The following ARID5A variants were observed in gnomAD, a reference collection of about 807,000 sequenced individuals.
The protein encoded by ARID5A is AT-rich interactive domain-containing protein 5A.
In ARID5A, 14 loss-of-function variants were observed where a neutral mutation model predicts 30.5. That is an observed-to-expected ratio of 0.46 (90% CI 0.30 to 0.72). The LOEUF (loss-of-function observed/expected upper bound fraction) is 0.72. ARID5A is among the 30% of genes least tolerant of loss of function. The pLI is 0.07. For synonymous variants in ARID5A, 338 were observed against 340.4 expected, an observed-to-expected ratio of 0.99 and a Z score of 0.08; for missense variants, 669 against 786.2, an observed-to-expected ratio of 0.85 and a Z score of 1.78.
chr2:96,538,994 C>T (rs562143496), intron 1 of ARID5A, among the ~76,000 whole-genome samples: 9 of 152,310 alleles, frequency 5.9e-5, no homozygotes, highest in African/African-American at 2.2e-4. Flanking sequence ...CAACAGGGGT[C>T]TGTAAGTCCA....
chr2:96,541,319 T>G (rs1001635348), intron 1 of ARID5A, among the ~76,000 whole-genome samples: 15 of 152,224 alleles, frequency 9.9e-5, no homozygotes, highest in African/African-American at 4.8e-5. Flanking sequence ...TTTTGTTTTT[T>G]TTTAAAGGGA....
chr2:96,540,061 A>C (rs531295515), intron 1 of ARID5A, among the ~76,000 whole-genome samples: 1 of 152,324 alleles, frequency 6.6e-6, no homozygotes, highest in African/African-American at 2.4e-5. Context: ...TCTGAGCCTC[A>C]GACATTATAT....
Position 96,539,956 on chromosome 2 carries a change from G to A in ARID5A, c.4+3126G>A, listed in dbSNP as rs1229906620. ...GAAAGAAAAAAATCTCTAGCTCTCA[G>A]GGATCAGCGTCTCTCAGGAGTCAGA... On this transcript the variant is annotated intron_variant, in intron 1 of 6. Coordinates refer to ENST00000357485, the MANE Select transcript of ARID5A (RefSeq NM_212481.3). The surrounding 1 kb of genome is among the most constrained non-coding windows in gnomAD (Gnocchi z 4.7). Among the ~76,000 whole-genome samples, 1 of 152,244 alleles carries A rather than the reference G, an allele frequency of 6.6e-6. No individual in the cohort carries two copies. Among genetic ancestry groups the A allele is most frequent in the Non-Finnish European group, 1.5e-5 (1 of 68,046 alleles).
At chr2:96,543,014 A>T (rs1376926746) in intron 1 of ARID5A, among the ~76,000 whole-genome samples, 1 of 152,244 alleles carries the variant, frequency 6.6e-6, no homozygotes, top group Non-Finnish European at 1.5e-5. Context: ...GAAAGGCATC[A>T]GTCTGCTGGG....
rs769308314 is a variant in ARID5A, at chr2:96,537,267, C to T, written c.4+437C>T. 32 of 159,054 alleles carry T rather than the reference C, an allele frequency of 2.0e-4. No homozygotes were observed. The highest frequency in any genetic ancestry group is 4.5e-4 in the Admixed American group (7 of 15,430). The allele number at this position is 159,054 out of a possible 1,614,324, so 9.9% of individuals were successfully genotyped here. On this transcript the variant is annotated intron_variant, in intron 1 of 6. Coordinates refer to ENST00000357485, the MANE Select transcript of ARID5A (RefSeq NM_212481.3). The surrounding 1 kb of genome is among the most constrained non-coding windows in gnomAD (Gnocchi z 4.8). Reference sequence around the variant, plus strand: ...AGCCGCCCCTCCGCCCCGTGACATCCCGCAGGTTTCAGAACCGCGGCGCCG... The same window carrying T: ...AGCCGCCCCTCCGCCCCGTGACATCTCGCAGGTTTCAGAACCGCGGCGCCG...
Position 96,549,757 on chromosome 2 carries a change from C to T in ARID5A, c.264C>T (p.Asn88=). ...RVPHLGFKQI[N]LWKIYKAVEK... Reference sequence around the variant, plus strand: ...GCCTGCTCTTCTCTCCCCCAGTTAACCTGTGGAAGATCTACAAAGCAGTGG... The same window carrying T: ...GCCTGCTCTTCTCTCCCCCAGTTAATCTGTGGAAGATCTACAAAGCAGTGG... Residue 88 remains asparagine, a synonymous_variant, in exon 4 of 7, where the codon AAC becomes AAT. Coordinates refer to ENST00000357485, the MANE Select transcript of ARID5A (RefSeq NM_212481.3). The surrounding 1 kb of genome is among the most constrained non-coding windows in gnomAD (Gnocchi z 6.1). 1 of 1,613,896 alleles carries T rather than the reference C, an allele frequency of 6.2e-7. No individual in the cohort carries two copies. Among genetic ancestry groups the T allele is most frequent in the South Asian group, 1.1e-5 (1 of 91,056 alleles).
intron 1 of ARID5A, among the ~76,000 whole-genome samples, chr2:96,538,540 C>T (rs747928366): frequency 2.7e-4 from 41 of 152,216 alleles, no homozygotes; most frequent in Middle Eastern, 3.2e-3. Flanking sequence ...AGGCCCATCG[C>T]GTTTCTTCTC....
chr2:96,542,191 C>T (rs929833778), intron 1 of ARID5A, among the ~76,000 whole-genome samples: 9 of 152,142 alleles, frequency 5.9e-5, no homozygotes, highest in Admixed American at 3.3e-4. Context: ...AGACAGAGGG[C>T]ACCCTGGAGA....
rs374556725 is a variant in ARID5A at position 96,549,502 on chromosome 2, G to T, written c.259+43G>T. ...AGGCAGGGAGGGGGGCCCAGCAGGG[G>T]ACCCCGCCCAGGCAGGGCATCGGGC... On this transcript the variant is annotated intron_variant, in intron 3 of 6. Transcript: ENST00000357485. The surrounding 1 kb of genome is among the most constrained non-coding windows in gnomAD (Gnocchi z 6.1). 1.6e-5 allele frequency: 25 copies of T among 1,598,560 alleles called. No homozygotes were observed. In the African/African-American group the frequency reaches 3.2e-4, roughly 21 times the overall value.
chr2:96,550,590 G>C lies in ARID5A; in HGVS notation c.427G>C (p.Val143Leu). ...CCTCACCAGGCTGGTCCTGCCATAC[G>C]TGCGGCACCTGAAGGGGGAGGATGA... Reference protein sequence around the residue: ...RHYERLVLPYVRHLKGEDDKP... With the variant: ...RHYERLVLPYLRHLKGEDDKP... The change falls in exon 6 of 7, where the codon GTG (valine) becomes CTG (leucine). Residue 143 changes from valine to leucine, a missense_variant. By Grantham distance (32) the Val-to-Leu change is conservative. Coordinates refer to ENST00000357485, the MANE Select transcript of ARID5A (RefSeq NM_212481.3). This position sits in a 1 kb window ranked among gnomAD's most constrained non-coding sequence, Gnocchi z 6.6. 5 of 1,604,580 alleles carry C rather than the reference G, an allele frequency of 3.1e-6. No individual in the cohort carries two copies. The highest frequency in any genetic ancestry group is 4.2e-6 in the Non-Finnish European group (5 of 1,176,510).
rs777474043 is a variant in ARID5A, at chr2:96,550,700, G to A, written c.537G>A (p.Pro179=). The change falls in exon 6 of 7, where the codon CCG becomes CCA. Residue 179 remains proline (P), a synonymous_variant. Transcript: ENST00000357485. This position sits in a 1 kb window ranked among gnomAD's most constrained non-coding sequence, Gnocchi z 6.6. ...GGGATGATGGGGCCACCGAGAGGCC[G>A]AAGAAGGCCAAGGAGGAGCGGCGCA... ...NRGDDGATER[P]KKAKEERRMD... 48 of 1,593,782 alleles carry A rather than the reference G, an allele frequency of 3.0e-5. No individual in the cohort carries two copies. In the South Asian group the frequency reaches 5.3e-4, roughly 17 times the overall value.
chr2:96,547,712 A>G (rs1163428008), intron 2 of ARID5A, among the ~76,000 whole-genome samples, 195 bp downstream of exon 2: 2 of 152,188 alleles, frequency 1.3e-5, no homozygotes, highest in East Asian at 3.9e-4. Context: ...TTGTAGCAGA[A>G]CCCTTTTTTG....
In ARID5A at chr2:96,550,558, C is replaced by T. The variant is rs747867101; in HGVS notation, c.411-16C>T. On this transcript the variant is annotated splice_polypyrimidine_tract_variant and intron_variant, in intron 5 of 6. Transcript: ENST00000357485. This position sits in a 1 kb window ranked among gnomAD's most constrained non-coding sequence, Gnocchi z 6.6. The stretch of plus-strand genomic sequence containing the variant: ...GGGCGCCGGCCTCCTGGGGGACATG[C>T]GTGGTTCCTCACCAGGCTGGTCCTG... The T allele has an allele frequency of 3.2e-6, 5 of 1,586,842 alleles. No homozygotes were observed. Among genetic ancestry groups the T allele is most frequent in the East Asian group, 2.3e-5 (1 of 43,466 alleles).
At position 96,550,133 on chromosome 2, in the gene ARID5A, G is replaced by T; in HGVS notation, c.313-55G>T. ...CTGCGAGGGCGGCCGGAGCTGCAAG[G>T]ACCCCGCCGCCAGGGGGCGCCCGCC... On this transcript the variant is annotated intron_variant, in intron 4 of 6. Coordinates refer to ENST00000357485, the MANE Select transcript of ARID5A (RefSeq NM_212481.3). The surrounding 1 kb of genome is among the most constrained non-coding windows in gnomAD (Gnocchi z 6.6). The T allele has an allele frequency of 6.5e-7, 1 of 1,530,798 alleles. No individual in the cohort carries two copies. Among genetic ancestry groups the T allele is most frequent in the Non-Finnish European group, 8.8e-7 (1 of 1,142,680 alleles). The allele number at this position is 1,530,798 out of a possible 1,614,324, so 94.8% of individuals were successfully genotyped here. A position where few individuals can be genotyped will look rare whatever the true frequency, so the allele number is the denominator to read the frequency against.
In ARID5A at chr2:96,537,656, G is replaced by C. The variant is rs574690717; in HGVS notation, c.4+826G>C. The C allele has an allele frequency of 6.4e-6, 1 of 156,312 alleles. No homozygotes were observed. Among genetic ancestry groups the C allele is most frequent in the South Asian group, 2.0e-4 (1 of 4,884 alleles). The allele number at this position is 156,312 out of a possible 1,614,324, so 9.7% of individuals were successfully genotyped here. On this transcript the variant is annotated intron_variant, in intron 1 of 6. Transcript: ENST00000357485. The surrounding 1 kb of genome is among the most constrained non-coding windows in gnomAD (Gnocchi z 4.8). ...AGCGTCAGGGGAAGAGGGCAAGAGCGTGGGCTACGAGCTTGCAGGCGATGC... is the reference window on the plus strand; with the variant it reads ...AGCGTCAGGGGAAGAGGGCAAGAGCCTGGGCTACGAGCTTGCAGGCGATGC...
Position 96,549,452 on chromosome 2 carries a change from C to G in ARID5A, c.252C>G (p.Phe84Leu). The change falls in exon 3 of 7, where the codon TTC (phenylalanine) becomes TTG (leucine). Residue 84 changes from phenylalanine (F) to leucine (L), a missense_variant. Around this residue, in one of 4 missense-constraint regions of ARID5A, gnomAD observed 64 missense variants for 119.7 expected, o/e 0.53. Coordinates refer to ENST00000357485, the MANE Select transcript of ARID5A (RefSeq NM_212481.3). This position sits in a 1 kb window ranked among gnomAD's most constrained non-coding sequence, Gnocchi z 6.1. ...TPIERVPHLG[F>L]KQINLWKIYK... The stretch of plus-strand genomic sequence containing the variant: ...TCGAGAGGGTGCCCCATCTCGGCTT[C>G]AAGCAGAGTGCGTCCCTGGGGTGCA... The G allele has an allele frequency of 6.2e-7, 1 of 1,613,340 alleles. No homozygotes were observed. Among genetic ancestry groups the G allele is most frequent in the Non-Finnish European group, 8.5e-7 (1 of 1,179,682 alleles).
In ARID5A at chr2:96,550,595, G is replaced by T. The variant is rs776037854; in HGVS notation, c.432G>T (p.Arg144=). 1.2e-5 allele frequency: 20 copies of T among 1,605,686 alleles called. No individual in the cohort carries two copies. Among genetic ancestry groups the T allele is most frequent in the Non-Finnish European group, 1.6e-5 (19 of 1,177,088 alleles). Residue 144 remains arginine, a synonymous_variant, in exon 6 of 7, where the codon CGG becomes CGT. Transcript: ENST00000357485. This position sits in a 1 kb window ranked among gnomAD's most constrained non-coding sequence, Gnocchi z 6.6. ...HYERLVLPYV[R]HLKGEDDKPL... ...CCAGGCTGGTCCTGCCATACGTGCGGCACCTGAAGGGGGAGGATGACAAGC... is the reference window on the plus strand; with the variant it reads ...CCAGGCTGGTCCTGCCATACGTGCGTCACCTGAAGGGGGAGGATGACAAGC...
chr2:96,538,022 G>A, intron 1 of ARID5A: 1 of 985,540 alleles, frequency 1.0e-6, no homozygotes, highest in Non-Finnish European at 1.2e-6. Context: ...AGGAGGGGTG[G>A]GAGGTCGGGG....
Position 96,549,919 on chromosome 2 carries a change from G to GTGCCTGCC in ARID5A, c.312+115_312+116insGCCTGCCT, listed in dbSNP as rs2065996393. On this transcript the variant is annotated intron_variant, in intron 4 of 6. Coordinates refer to ENST00000357485, the MANE Select transcript of ARID5A (RefSeq NM_212481.3). This position sits in a 1 kb window ranked among gnomAD's most constrained non-coding sequence, Gnocchi z 6.1. ...CCAGGATCCCCAGTCCTACCCCTGC[G>GTGCCTGCC]TCCCTGCCTCCCTGCCTTCCCCGCT... 1 of 1,533,836 alleles carries GTGCCTGCC rather than the reference G, an allele frequency of 6.5e-7. No individual in the cohort carries two copies. Among genetic ancestry groups the GTGCCTGCC allele is most frequent in the African/African-American group, 1.4e-5 (1 of 73,104 alleles).
Sources: allele counts gnomAD v4.1 joint callset (sites outside exome capture counted in the v4.1 genomes callset), GRCh38; gene constraint gnomAD v4.1.1; regional missense constraint gnomAD v4.1.1; non-coding constraint Gnocchi (gnomAD v3.1); transcripts MANE v1.5; gene names NCBI Gene and HGNC (gene_info 2026-07-23, HGNC 2026-07-21).